C3orf22: variants seen among roughly 807,000 people sequenced by gnomAD.
C3orf22 encodes the protein chromosome 3 open reading frame 22.
A neutral mutation model predicts 10.8 loss-of-function variants in C3orf22; 7 were observed. The observed-to-expected ratio is 0.65, with a 90% CI of 0.37 to 1.22. C3orf22 has a LOEUF of 1.22. C3orf22 is among the 50% of genes most tolerant of loss of function. C3orf22 has a pLI of 0.02. For missense variants in C3orf22, 173 were observed against 177.0 expected, an observed-to-expected ratio of 0.98 and a Z score of 0.13; for synonymous variants, 79 against 78.9, an observed-to-expected ratio of 1.00 and a Z score of 0.00.
At chr3:126,536,298 G>A (rs767740229) in intron 4 of C3orf22, 9 of 1,613,910 alleles carry the variant, frequency 5.6e-6, no homozygotes, top group Non-Finnish European at 6.8e-6. Context: ...CTGGGCTCCA[G>A]CTGGCTTGGT....
At chr3:126,542,342 G>A (rs1377178594) in intron 4 of C3orf22, 1 of 1,566,146 alleles carries the variant, frequency 6.4e-7, no homozygotes, top group Non-Finnish European at 8.6e-7. Context: ...CTACGACGTC[G>A]TGGGCAAGTT....
chr3:126,552,158 T>C, intron 2 of C3orf22, 36 bp from the exon 3 acceptor site: 2 of 1,599,386 alleles, frequency 1.3e-6, no homozygotes, highest in South Asian at 2.2e-5. Flanking sequence ...ATGGCCACCA[T>C]CCACCAGCCT....
At chr3:126,539,747 AC>A (rs1286777905) in intron 4 of C3orf22, among the ~76,000 whole-genome samples, 3 of 70,212 alleles carry the variant, frequency 4.3e-5, no homozygotes, top group Admixed American at 1.4e-4. Context: ...CACACCCCAC[AC>A]CACACACTCC....
chr3:126,556,543 T>C (rs11719483), intron 1 of C3orf22, among the ~76,000 whole-genome samples: 82,936 of 151,548 alleles, frequency 0.55, 24,462 homozygotes, highest in South Asian at 0.74. Context: ...ATCTACACAC[T>C]CATGCCCAGC....
At chr3:126,541,646 C>T (rs1330735056) in intron 4 of C3orf22, 11 of 1,261,116 alleles carry the variant, frequency 8.7e-6, no homozygotes, top group African/African-American at 1.6e-5. Flanking sequence ...TCCCAATTCC[C>T]GGGCGCATCC....
Position 126,550,035 on chromosome 3 carries a change from C to A in C3orf22, c.259G>T (p.Ala87Ser), listed in dbSNP as rs142130143. The change falls in exon 4 of 4, where the codon GCA (alanine) becomes TCA (serine). Residue 87 changes from alanine to serine, a missense_variant. By Grantham distance (99) the Ala-to-Ser change is moderately conservative. Transcript: ENST00000318225. ...GGTGGTGATGGTGCTGGTAGTGGTG[C>A]CGGGCAGGAGCCAGACGGTGATGTA... ...DFTSPSGSCP[A>S]PLPAPSPPPL... The A allele has an allele frequency of 3.7e-6, 6 of 1,613,940 alleles. No individual in the cohort carries two copies. The highest frequency in any genetic ancestry group is 5.1e-6 in the Non-Finnish European group (6 of 1,179,918).
In C3orf22 at chr3:126,558,754, C is replaced by T. The variant is rs1937413008; in HGVS notation, c.-168G>A. 6.6e-6 allele frequency: 1 copy of T among 152,594 alleles called. No individual in the cohort carries two copies. 9.5% of individuals were successfully genotyped at this position (152,594 alleles called of 1,614,324 possible). The stretch of plus-strand genomic sequence containing the variant: ...GCCCCCGAGGCTGGCAGGGCCCTGG[C>T]TACAGCCCTCTCTGGAAAGACCCAG... On this transcript the variant is annotated 5_prime_UTR_variant, in exon 1 of 4. Coordinates refer to ENST00000318225, the MANE Select transcript of C3orf22 (RefSeq NM_152533.3).
intron 4 of C3orf22, among the ~76,000 whole-genome samples, chr3:126,532,167 C>T (rs1936673811): frequency 6.6e-6 from 1 of 152,176 alleles, no homozygotes; most frequent in African/African-American, 2.4e-5. Context: ...GGTACTAGTT[C>T]CTTACCAGAG....
intron 4 of C3orf22, chr3:126,541,995 G>T (rs769888325): frequency 1.3e-6 from 2 of 1,560,866 alleles, no homozygotes; most frequent in Non-Finnish European, 1.7e-6. Context: ...GCGCCTGGCC[G>T]CCTGCCCTCA....
chr3:126,540,739 C>T (rs910824479), intron 4 of C3orf22, among the ~76,000 whole-genome samples: 3 of 152,156 alleles, frequency 2.0e-5, no homozygotes, highest in Non-Finnish European at 2.9e-5. Flanking sequence ...ATGCCTAGGA[C>T]CGGAATTGCT....
downstream of C3orf22, among the ~76,000 whole-genome samples, chr3:126,548,274 T>G (rs10804577): frequency 1 from 152,058 of 152,350 alleles, 75,885 homozygotes; most frequent in Middle Eastern, 1. Flanking sequence ...GGGATTACAG[T>G]CGTAAGCCAC....
chr3:126,535,244 T>C (rs74397168), intron 4 of C3orf22, among the ~76,000 whole-genome samples: 1 of 142,390 alleles, frequency 7.0e-6, no homozygotes, highest in African/African-American at 2.7e-5. Context: ...ATCCCTGTCC[T>C]CAGCTGGGAG....
At chr3:126,539,406 A>AT (rs769686230) in intron 4 of C3orf22, among the ~76,000 whole-genome samples, 3 of 151,998 alleles carry the variant, frequency 2.0e-5, no homozygotes, top group Non-Finnish European at 4.4e-5. Context: ...CATCAGGAGC[A>AT]TAGTGTGCAC....
intron 4 of C3orf22, chr3:126,529,400 G>A (rs1215982005): frequency 7.8e-7 from 1 of 1,288,938 alleles, no homozygotes; most frequent in African/African-American, 1.5e-5. Flanking sequence ...GGGGACAGGT[G>A]TCAGGACAAG....
intron 3 of C3orf22, among the ~76,000 whole-genome samples, chr3:126,550,293 C>T (rs555765505): frequency 1.3e-5 from 2 of 152,294 alleles, no homozygotes; most frequent in South Asian, 4.1e-4. Flanking sequence ...CCCACACAGG[C>T]TCCTCCAGCC....
At chr3:126,535,052 GC>G (rs1936743072) in intron 4 of C3orf22, among the ~76,000 whole-genome samples, 1 of 102,632 alleles carries the variant, frequency 9.7e-6, no homozygotes, top group Non-Finnish European at 1.9e-5. Flanking sequence ...GCTGTCCTCA[GC>G]CGGGAGACAG....
At chr3:126,553,167 A>G (rs2107582660) in intron 2 of C3orf22, 135 bp downstream of exon 2, 2 of 735,998 alleles carry the variant, frequency 2.7e-6, no homozygotes, top group Non-Finnish European at 4.9e-6. Flanking sequence ...TCAGCTGGGC[A>G]AGGGCTGCTA....
At chr3:126,549,228 A>C (rs1937122460), downstream of C3orf22, among the ~76,000 whole-genome samples, 1 of 121,516 alleles carries the variant, frequency 8.2e-6, no homozygotes, top group South Asian at 3.0e-4. Context: ...AAAGGTAATG[A>C]TTGCTGCCTG....
intron 2 of C3orf22, among the ~76,000 whole-genome samples, chr3:126,552,794 C>T (rs576757557): frequency 1.3e-5 from 2 of 152,318 alleles, no homozygotes; most frequent in East Asian, 1.9e-4. Flanking sequence ...TGCTGTCCTG[C>T]GGGTGGGAGG....
Sources: gnomAD v4.1 joint callset for allele counts (sites outside exome capture counted in the v4.1 genomes callset) on GRCh38, gnomAD v4.1.1 for gene constraint, MANE v1.5 for transcripts, NCBI Gene and HGNC (gene_info 2026-07-23, HGNC 2026-07-21) for gene names.